The following RPTOR variants were observed in gnomAD, a reference collection of about 807,000 sequenced individuals.
RPTOR encodes regulatory-associated protein of mTOR.
A neutral mutation model predicts 169.9 loss-of-function variants in RPTOR; 21 were observed. The observed-to-expected ratio is 0.12, with a 90% confidence interval of 0.09 to 0.18. RPTOR has a LOEUF of 0.18. Ranked by LOEUF, RPTOR falls within the 10% of genes least tolerant of loss-of-function variation. The pLI, the probability that RPTOR is intolerant of heterozygous loss-of-function variation, is 1.00. For missense variants in RPTOR, 1,133 were observed against 1,855.9 expected (o/e 0.61, Z 7.16); for synonymous variants, 732 against 753.2 (o/e 0.97, Z 0.46).
At chr17:80,771,047 C>T (rs1472815797) in intron 6 of RPTOR, among the ~76,000 whole-genome samples, 2 of 152,254 alleles carry the variant, frequency 1.3e-5, no homozygotes, top group Non-Finnish European at 2.9e-5. Flanking sequence ...AGCCGTCAGC[C>T]TCACTGGCCT....
chr17:80,900,536 G>C (rs957063019), intron 20 of RPTOR, among the ~76,000 whole-genome samples: 1 of 152,158 alleles, frequency 6.6e-6, no homozygotes, highest in Non-Finnish European at 1.5e-5. Flanking sequence ...GGCTGGTCTC[G>C]AACTTCCAAC....
intron 1 of RPTOR, among the ~76,000 whole-genome samples, chr17:80,563,104 G>A (rs1440670944): frequency 1.3e-5 from 2 of 152,192 alleles, no homozygotes; most frequent in African/African-American, 2.4e-5. Flanking sequence ...TTTGGCCTCA[G>A]GGCTCAGGCT....
intron 5 of RPTOR, among the ~76,000 whole-genome samples, chr17:80,743,935 T>C (rs199949261): frequency 0.6 from 7,272 of 12,220 alleles, 2,419 homozygotes; most frequent in Non-Finnish European, 0.69. Flanking sequence ...AGAGCCCTGG[T>C]TACTAGCACA....
chr17:80,715,440 G>T (rs1426254252), intron 4 of RPTOR, among the ~76,000 whole-genome samples: 2 of 152,164 alleles, frequency 1.3e-5, no homozygotes, highest in South Asian at 2.1e-4. Flanking sequence ...GCCATGCCAG[G>T]CATTTAATCC....
chr17:80,715,811 T>G (rs2066235131), intron 4 of RPTOR, among the ~76,000 whole-genome samples: 1 of 151,976 alleles, frequency 6.6e-6, no homozygotes, highest in African/African-American at 2.4e-5. Flanking sequence ...AGTGAAAATA[T>G]ACGATATTTG....
intron 1 of RPTOR, among the ~76,000 whole-genome samples, chr17:80,565,265 T>A (rs2084566291): frequency 6.6e-6 from 1 of 151,950 alleles, no homozygotes; most frequent in Non-Finnish European, 1.5e-5. Flanking sequence ...CATGGGAGAG[T>A]CTTTTTGTAA....
At chr17:80,766,169 C>T (rs1213747115) in intron 6 of RPTOR, among the ~76,000 whole-genome samples, 2 of 152,166 alleles carry the variant, frequency 1.3e-5, no homozygotes, top group African/African-American at 4.8e-5. Flanking sequence ...AATCCCCCCA[C>T]CTCAGCCCCC....
intron 4 of RPTOR, among the ~76,000 whole-genome samples, chr17:80,709,494 T>A (rs1283050191): frequency 6.6e-6 from 1 of 152,234 alleles, no homozygotes; most frequent in African/African-American, 2.4e-5. Context: ...CAGTGCGCTT[T>A]GCTCACTTGG....
chr17:80,634,375 T>TGC (rs142788340), intron 2 of RPTOR, among the ~76,000 whole-genome samples: 9 of 83,284 alleles, frequency 1.1e-4, no homozygotes, highest in East Asian at 3.4e-4. Context: ...GCATACTGTG[T>TGC]GTGTGCATAC....
intron 1 of RPTOR, among the ~76,000 whole-genome samples, chr17:80,569,017 A>AT (rs896237941): frequency 3.3e-5 from 5 of 151,780 alleles, no homozygotes; most frequent in African/African-American, 7.3e-5. Flanking sequence ...TTCAGATGCT[A>AT]TTTTTTTTCT....
intron 1 of RPTOR, among the ~76,000 whole-genome samples, chr17:80,605,254 G>A (rs2143465853): frequency 6.6e-6 from 1 of 152,336 alleles, no homozygotes; most frequent in South Asian, 2.1e-4. Context: ...ACTCAGTGTT[G>A]AGGAGAGCAG....
intron 13 of RPTOR, among the ~76,000 whole-genome samples, chr17:80,859,391 G>A (rs2067892348): frequency 6.6e-6 from 1 of 152,234 alleles, no homozygotes; most frequent in Non-Finnish European, 1.5e-5. Flanking sequence ...GGAGTTGGGG[G>A]ATATGTTGCC....
At chr17:80,755,094 G>C (rs536526994) in intron 6 of RPTOR, among the ~76,000 whole-genome samples, 6 of 151,718 alleles carry the variant, frequency 4.0e-5, no homozygotes, top group Admixed American at 1.3e-4. Context: ...GGCAGCCTGA[G>C]GGGGGAGGAA....
At chr17:80,698,295 G>A (rs1204228419) in intron 3 of RPTOR, among the ~76,000 whole-genome samples, 1 of 152,128 alleles carries the variant, frequency 6.6e-6, no homozygotes, top group Non-Finnish European at 1.5e-5. Context: ...CAGAGGGGCT[G>A]CCGCCCCACC....
In RPTOR at chr17:80,883,364, G is replaced by C. The variant is rs991143492; in HGVS notation, c.1585-55G>C. On this transcript the variant is annotated intron_variant, in intron 14 of 33. Transcript: ENST00000306801. ...CGAAAGGATCACGCTGTTGTACTTTGGGAATGAGAGTTTCCACTGAGGGGA... is the reference window on the plus strand; with the variant it reads ...CGAAAGGATCACGCTGTTGTACTTTCGGAATGAGAGTTTCCACTGAGGGGA... The C allele has an allele frequency of 4.1e-6, 6 of 1,470,288 alleles. No homozygotes were observed. The Admixed American group carries it at 1.0e-4, about 25-fold the overall frequency. 91.1% of individuals were successfully genotyped at this position (1,470,288 alleles called of 1,614,324 possible).
intron 9 of RPTOR, 121 bp from the exon 10 acceptor site, chr17:80,837,801 C>T (rs9913771): frequency 7.1e-5 from 62 of 877,518 alleles, no homozygotes; most frequent in Non-Finnish European, 1.0e-4. Flanking sequence ...CACCAGCTGC[C>T]GTGGCCTCCG....
chr17:80,669,048 G>A (rs937827849), intron 3 of RPTOR, among the ~76,000 whole-genome samples: 4 of 152,206 alleles, frequency 2.6e-5, no homozygotes, highest in Admixed American at 2.0e-4. Context: ...GGCTTTGCTC[G>A]GGGACACGCT....
At chr17:80,758,270 TGGCTAAG>T (rs778390549) in intron 6 of RPTOR, among the ~76,000 whole-genome samples, 32 of 152,190 alleles carry the variant, frequency 2.1e-4, no homozygotes, top group Non-Finnish European at 4.3e-4. Flanking sequence ...CAGAGAACCA[TGGCTAAG>T]GGCCACAGGG....
In RPTOR at chr17:80,841,022, T is replaced by A. The variant is rs1325770815; in HGVS notation, c.1212+3025T>A. On this transcript the variant is annotated intron_variant, in intron 10 of 33. Transcript: ENST00000306801. ...ACTCTCACCACACGGCAGCTCACTC[T>A]CTCTGCACCGCAGCTCACACTCACC... Among the ~76,000 whole-genome samples the A allele has an allele frequency of 3.0e-3, 19 of 6,304 alleles. 2 individuals are homozygous for A. The highest frequency in any genetic ancestry group is 4.2e-3 in the Non-Finnish European group (17 of 4,058). The allele number at this position is 6,304 out of a possible 152,430, so 4.1% of individuals were successfully genotyped here. A position where few individuals can be genotyped will look rare whatever the true frequency, so the allele number is the denominator to read the frequency against.
Sources: gnomAD v4.1 joint callset for allele counts (sites outside exome capture counted in the v4.1 genomes callset) on GRCh38, gnomAD v4.1.1 for gene constraint, MANE v1.5 for transcripts, NCBI Gene and HGNC (gene_info 2026-07-23, HGNC 2026-07-21) for gene names.